MORN3: variants seen among roughly 807,000 people sequenced by gnomAD.
The protein encoded by MORN3 is MORN repeat-containing protein 3.
Under a neutral mutation model 34.7 loss-of-function variants are expected in MORN3, and 38 were observed. The observed-to-expected ratio is 1.10, with a 90% CI of 0.85 to 1.44. The LOEUF is 1.44. MORN3 is among the 40% of genes most tolerant of loss of function. MORN3 has a pLI of 0.00. For missense variants in MORN3, 311 were observed against 321.7 expected (o/e 0.97, Z 0.25); for synonymous variants, 109 against 115.3 (o/e 0.95, Z 0.35).
chr12:121,654,482 G>C, intron 2 of MORN3, 49 bp from the exon 3 acceptor site: 1 of 1,514,458 alleles, frequency 6.6e-7, no homozygotes. Context: ...AACACCACCA[G>C]GAAAGCCCAC....
In MORN3 at chr12:121,653,101, C is replaced by T. The variant is rs782507683; in HGVS notation, c.622G>A (p.Glu208Lys). 6.2e-7 allele frequency: 1 copy of T among 1,613,268 alleles called. No homozygotes were observed. The highest frequency in any genetic ancestry group is 8.5e-7 in the Non-Finnish European group (1 of 1,179,688). The change falls in exon 4 of 6, where the codon GAG becomes AAG. Residue 208 changes from glutamate (E) to lysine (K), a missense_variant. Glu to Lys is a moderately conservative substitution (Grantham distance 56). Transcript: ENST00000355329. ...TCAGGAATGGGGAACTGAGTGGGCT[C>T]AGGGGCCTCGTCACGGCCAAAGTCG... is the stretch of plus-strand genomic sequence containing the variant. ...MIDFGRDEAP[E>K]PTQFPIPEVK... is the part of the protein sequence containing the mutation.
At chr12:121,666,952 CTTTTTTT>C (rs376062157) in intron 1 of MORN3, among the ~76,000 whole-genome samples, 17 of 108,160 alleles carry the variant, frequency 1.6e-4, no homozygotes, top group South Asian at 5.6e-4. Context: ...CCCACAACCT[CTTTTTTT>C]TTTTTTTTTT....
chr12:121,654,806 C>T (rs566918428), intron 2 of MORN3, among the ~76,000 whole-genome samples: 1 of 151,308 alleles, frequency 6.6e-6, no homozygotes, highest in East Asian at 2.0e-4. Flanking sequence ...CCATGTTGGC[C>T]AGGCTGGTCT....
chr12:121,668,641 G>C (rs1191747434), intron 1 of MORN3, among the ~76,000 whole-genome samples: 2 of 152,066 alleles, frequency 1.3e-5, no homozygotes, highest in Admixed American at 1.3e-4. Context: ...TTGAGCCCAG[G>C]ATCTCGAGGC....
At chr12:121,660,055 G>A (rs892887582) in intron 1 of MORN3, among the ~76,000 whole-genome samples, 51 of 151,310 alleles carry the variant, frequency 3.4e-4, no homozygotes, top group African/African-American at 1.1e-3. Flanking sequence ...CCAAAATGGC[G>A]AAACCCTGTG....
At chr12:121,671,146 G>A (rs1168867763), upstream of MORN3, among the ~76,000 whole-genome samples, 1 of 146,326 alleles carries the variant, frequency 6.8e-6, no homozygotes, top group African/African-American at 2.5e-5. Context: ...GGTGGCTCAC[G>A]CCTGTAATCC....
intron 5 of MORN3, among the ~76,000 whole-genome samples, chr12:121,652,194 A>G (rs1344996708): frequency 3.3e-5 from 5 of 151,862 alleles, no homozygotes; most frequent in Admixed American, 1.3e-4. Flanking sequence ...TCGGCCTCCC[A>G]AAGTGCTGGG....
rs1401396991 is a variant in MORN3 at position 121,669,227 on chromosome 12, C to A, written c.145+112G>T. 9.1e-6 allele frequency: 13 copies of A among 1,427,462 alleles called. No individual in the cohort carries two copies. The Admixed American group carries it at 2.3e-4, about 25-fold the overall frequency. 88.4% of individuals were successfully genotyped at this position (1,427,462 alleles called of 1,614,324 possible). ...TGGGCCAGCGCTCACCCTGGGGGAG[C>A]CTTGGGGACACATCTCATGTCCCCA... On this transcript the variant is annotated intron_variant, in intron 1 of 5. Coordinates refer to ENST00000355329, the MANE Select transcript of MORN3 (RefSeq NM_173855.5).
intron 2 of MORN3, among the ~76,000 whole-genome samples, chr12:121,654,941 C>T (rs1418859355): frequency 1.3e-5 from 2 of 152,030 alleles, no homozygotes; most frequent in African/African-American, 4.8e-5. Flanking sequence ...TCTCTCTGTC[C>T]CTCTGCTGGC....
At chr12:121,658,377 TA>T (rs1555325916) in intron 2 of MORN3, among the ~76,000 whole-genome samples, 1 of 151,746 alleles carries the variant, frequency 6.6e-6, no homozygotes, top group Admixed American at 6.6e-5. Flanking sequence ...CCATCCTGGC[TA>T]ACACGGTGAA....
upstream of MORN3, among the ~76,000 whole-genome samples, chr12:121,671,283 T>A (rs1012729728): frequency 3.3e-5 from 5 of 150,114 alleles, no homozygotes; most frequent in African/African-American, 1.2e-4. Flanking sequence ...GGCGGGCGCC[T>A]GTAGTCCCAG....
chr12:121,654,224 T>C, intron 3 of MORN3, 50 bp downstream of exon 3: 1 of 1,218,288 alleles, frequency 8.2e-7, no homozygotes, highest in Admixed American at 2.6e-5. Context: ...GCCAGCTCGC[T>C]GCCGGGGGCG....
intron 1 of MORN3, among the ~76,000 whole-genome samples, chr12:121,662,141 G>A (rs1277636030): frequency 1.3e-5 from 2 of 151,968 alleles, no homozygotes; most frequent in Non-Finnish European, 2.9e-5. Context: ...CTGTCAAAGG[G>A]TGCATACTTT....
At position 121,659,248 on chromosome 12, in the gene MORN3, T is replaced by C. The variant is rs1893508543; in HGVS notation, c.246A>G (p.Gln82=). The change falls in exon 2 of 6, where the codon CAA becomes CAG. Residue 82 remains glutamine (Q), a synonymous_variant. Transcript: ENST00000355329. Reference sequence around the variant, plus strand: ...AGACTCTCCTGCACTTTCCTGTCTGTTGGTCAGGAAGGCTGAGGGTGCCGT... The same window carrying C: ...AGACTCTCCTGCACTTTCCTGTCTGCTGGTCAGGAAGGCTGAGGGTGCCGT... ...DGYGTLSLPD[Q]QTGKCRRVYS... 1 of 1,614,104 alleles carries C rather than the reference T, an allele frequency of 6.2e-7. No individual in the cohort carries two copies.
At chr12:121,664,716 G>T (rs1232017931) in intron 1 of MORN3, among the ~76,000 whole-genome samples, 1 of 152,006 alleles carries the variant, frequency 6.6e-6, no homozygotes, top group East Asian at 1.9e-4. Flanking sequence ...TACATTGATT[G>T]GCTAGGCCTG....
rs1893245399 is a variant in MORN3, at chr12:121,651,259, C to CTAAGACCTGCCCTTACTCCCCCAAGCT, written c.*365_*391dup. The CTAAGACCTGCCCTTACTCCCCCAAGCT allele has an allele frequency of 1.3e-5, 2 of 152,208 alleles. No homozygotes were observed. The highest frequency in any genetic ancestry group is 4.8e-5 in the African/African-American group (2 of 41,412). The allele number at this position is 152,208 out of a possible 1,614,324, so 9.4% of individuals were successfully genotyped here. ...ACAGGAATGAGCCACTGCACCCGGC[C>CTAAGACCTGCCCTTACTCCCCCAAGCT]TAAGACCTGCCCTTACTCCCCCAAG... is the stretch of plus-strand genomic sequence containing the variant. On this transcript the variant is annotated 3_prime_UTR_variant, in exon 6 of 6. Transcript: ENST00000355329.
intron 2 of MORN3, among the ~76,000 whole-genome samples, chr12:121,655,768 C>T (rs1236615089): frequency 6.6e-6 from 1 of 151,870 alleles, no homozygotes; most frequent in Non-Finnish European, 1.5e-5. Context: ...CTGTGGCTCA[C>T]GCTTGTAATC....
chr12:121,661,354 G>T (rs1893575021), intron 1 of MORN3, among the ~76,000 whole-genome samples: 1 of 152,154 alleles, frequency 6.6e-6, no homozygotes, highest in African/African-American at 2.4e-5. Flanking sequence ...CTCTCGACGA[G>T]CTGGGAATAC....
chr12:121,658,457 C>G (rs138898723), intron 2 of MORN3, among the ~76,000 whole-genome samples: 195 of 149,556 alleles, frequency 1.3e-3, no homozygotes, highest in African/African-American at 4.4e-3. Context: ...TCCCAGCAAC[C>G]TGGGAAGCTG....
Sources: allele counts gnomAD v4.1 joint callset (sites outside exome capture counted in the v4.1 genomes callset), GRCh38; gene constraint gnomAD v4.1.1; transcripts MANE v1.5; gene names NCBI Gene and HGNC (gene_info 2026-07-23, HGNC 2026-07-21).